Variants in NDC1 observed in about 807,000 individuals in gnomAD.
The protein encoded by NDC1 is NDC1 transmembrane nucleoporin, also known as nucleoporin NDC1.
In NDC1, 24 loss-of-function variants were observed where a neutral mutation model predicts 89.8. The observed-to-expected ratio is 0.27, with a 90% CI of 0.19 to 0.38. The LOEUF is 0.38. Ranked by LOEUF, NDC1 falls within the 10% of genes least tolerant of loss-of-function variation. NDC1 has a pLI of 1.00. For synonymous variants in NDC1, 296 were observed against 284.8 expected, an observed-to-expected ratio of 1.04 and a Z score of -0.39; for missense variants, 728 against 797.6, an observed-to-expected ratio of 0.91 and a Z score of 1.05.
At chr1:53,806,927 A>T (rs533629054) in intron 8 of NDC1, among the ~76,000 whole-genome samples, 3 of 152,334 alleles carry the variant, frequency 2.0e-5, no homozygotes, top group African/African-American at 7.2e-5. Flanking sequence ...TTTCTTTAAT[A>T]TAAATTTTAA....
chr1:53,804,122 G>GAA, intron 9 of NDC1, 113 bp from the exon 10 acceptor site: 3 of 709,210 alleles, frequency 4.2e-6, no homozygotes, highest in Non-Finnish European at 6.8e-6. Context: ...ACTTTTTCAT[G>GAA]AAAAAAAAAA....
At chr1:53,808,238 T>C (rs1360633886) in intron 7 of NDC1, among the ~76,000 whole-genome samples, 1 of 152,216 alleles carries the variant, frequency 6.6e-6, no homozygotes, top group Non-Finnish European at 1.5e-5. Flanking sequence ...TACTAAACAA[T>C]GTTAAAGCAA....
At chr1:53,775,746 C>G (rs1347812165) in intron 16 of NDC1, among the ~76,000 whole-genome samples, 1 of 152,086 alleles carries the variant, frequency 6.6e-6, no homozygotes, top group Non-Finnish European at 1.5e-5. Context: ...TGAAGGAACA[C>G]TGGTCATGTG....
chr1:53,837,434 G>A (rs1649270278), intron 1 of NDC1, among the ~76,000 whole-genome samples: 1 of 152,144 alleles, frequency 6.6e-6, no homozygotes, highest in African/African-American at 2.4e-5. Context: ...TTAGCTGGGC[G>A]TAGTGGTGCG....
intron 6 of NDC1, among the ~76,000 whole-genome samples, chr1:53,816,037 AAATTC>A (rs1648463067): frequency 6.6e-6 from 1 of 152,200 alleles, no homozygotes; most frequent in Admixed American, 6.5e-5. Flanking sequence ...AGCAATCTAA[AAATTC>A]AACACAATCC....
intron 5 of NDC1, among the ~76,000 whole-genome samples, chr1:53,825,460 A>AAAAAAAAAAAAAAAC (rs1039370528): frequency 7.0e-6 from 1 of 142,116 alleles, no homozygotes. Context: ...CTCCAAAAAA[A>AAAAAAAAAAAAAAAC]AAGAAGCTAC....
intron 16 of NDC1, among the ~76,000 whole-genome samples, chr1:53,774,589 T>C (rs1245218152): frequency 6.6e-6 from 1 of 152,042 alleles, no homozygotes; most frequent in East Asian, 1.9e-4. Context: ...AATAACACCA[T>C]AAAACTTTAA....
intron 2 of NDC1, among the ~76,000 whole-genome samples, chr1:53,834,434 C>T (rs540761110): frequency 2.6e-5 from 4 of 152,148 alleles, no homozygotes; most frequent in East Asian, 3.9e-4. Context: ...GATGGACGTA[C>T]GTCAACAAGA....
rs1648994758 is a variant in NDC1 at position 53,829,939 on chromosome 1, T to A, written c.281-1766A>T. Among the ~76,000 whole-genome samples, 4 of 151,932 alleles carry A rather than the reference T, an allele frequency of 2.6e-5. No homozygotes were observed. The South Asian group carries it at 8.3e-4, about 32-fold the overall frequency. ...AGGCCAAGGTGGGCAGATCATGAGT[T>A]CAGGAGTTTGAGACCAGCCTGGCCA... On this transcript the variant is annotated intron_variant, in intron 3 of 17. Transcript: ENST00000371429.
Position 53,837,212 on chromosome 1 carries a change from T to C in NDC1, c.57+993A>G, listed in dbSNP as rs137881101. ...TAGGCGGCTGAGGCAGGAGGACTAG[T>C]TGAGCCCAGGAGCTCAAGACCAGGC... On this transcript the variant is annotated intron_variant, in intron 1 of 17. Transcript: ENST00000371429. 5.4e-3 allele frequency among the ~76,000 whole-genome samples: 819 copies of C among 152,270 alleles called. 5 individuals are homozygous for C. Among genetic ancestry groups the C allele is most frequent in the Non-Finnish European group, 7.5e-3 (513 of 68,018 alleles).
intron 6 of NDC1, among the ~76,000 whole-genome samples, chr1:53,816,151 G>A (rs577961149): frequency 2.4e-4 from 37 of 152,022 alleles, no homozygotes; most frequent in African/African-American, 7.0e-4. Context: ...AGCAAGACTA[G>A]GCAAAAAGAA....
chr1:53,771,630 T>G (rs1174882461), intron 17 of NDC1, among the ~76,000 whole-genome samples: 1 of 152,216 alleles, frequency 6.6e-6, no homozygotes, highest in East Asian at 1.9e-4. Flanking sequence ...TTATTTAACT[T>G]TAATTTAAAT....
chr1:53,789,283 CAAAAAATTCACAG>C, intron 14 of NDC1, 87 bp from the exon 15 acceptor site: 1 of 730,832 alleles, frequency 1.4e-6, no homozygotes, highest in South Asian at 1.8e-5. Flanking sequence ...GACCACAAAA[CAAAAAATTCACAG>C]CTGCCTCTCA....
At position 53,807,645 on chromosome 1, in the gene NDC1, A is replaced by T. The variant is rs1217693495; in HGVS notation, c.891+11T>A. 5.0e-6 allele frequency: 8 copies of T among 1,585,326 alleles called. No homozygotes were observed. Among genetic ancestry groups the T allele is most frequent in the Middle Eastern group, 1.7e-4 (1 of 5,928 alleles). ...CAAAAGTATTAAGAAAAAATATTTT[A>T]AAAAACATACCTCTGTGGCATAGAT... On this transcript the variant is annotated intron_variant, in intron 8 of 17. Transcript: ENST00000371429.
At chr1:53,830,273 G>A (rs1473865185) in intron 3 of NDC1, among the ~76,000 whole-genome samples, 2 of 152,202 alleles carry the variant, frequency 1.3e-5, no homozygotes, top group East Asian at 1.9e-4. Context: ...GACCAACATG[G>A]TGAAACCCCG....
chr1:53,838,165 C>G, intron 1 of NDC1, 40 bp downstream of exon 1: 1 of 1,525,042 alleles, frequency 6.6e-7, no homozygotes, highest in Non-Finnish European at 8.8e-7. Flanking sequence ...CCGCCCGGCC[C>G]GACCCTGGCA....
rs761194658 is a variant in NDC1, at chr1:53,767,961, ATTAC to A, written c.*5_*8del. 1.9e-6 allele frequency: 3 copies of A among 1,575,448 alleles called. No homozygotes were observed. The African/African-American group carries it at 4.1e-5, about 21-fold the overall frequency. On this transcript the variant is annotated 3_prime_UTR_variant, in exon 18 of 18. Coordinates refer to ENST00000371429, the MANE Select transcript of NDC1 (RefSeq NM_018087.5). ...CAGCAGTGTAATGAACACAGTTTAT[ATTAC>A]TTAACTATTCTTTGAACTCCAAGAA...
At chr1:53,788,632 G>A (rs1404656695) in intron 15 of NDC1, among the ~76,000 whole-genome samples, 1 of 151,980 alleles carries the variant, frequency 6.6e-6, no homozygotes, top group Non-Finnish European at 1.5e-5. Flanking sequence ...TCACCATGCT[G>A]GCCAGGCTGG....
rs532495755 is a variant in NDC1 at position 53,779,909 on chromosome 1, T to A, written c.1800+7249A>T. 2.0e-5 allele frequency among the ~76,000 whole-genome samples: 3 copies of A among 152,194 alleles called. No individual in the cohort carries two copies. The East Asian group carries it at 5.8e-4, about 29-fold the overall frequency. On this transcript the variant is annotated intron_variant, in intron 16 of 17. Coordinates refer to ENST00000371429, the MANE Select transcript of NDC1 (RefSeq NM_018087.5). ...GTCTCTGGGCCTTCAAATCCATAGC[T>A]CTGGCCCTCAAGAATATTCCTTTCT...
Sources: allele counts gnomAD v4.1 joint callset (sites outside exome capture counted in the v4.1 genomes callset), GRCh38; gene constraint gnomAD v4.1.1; transcripts MANE v1.5; gene names NCBI Gene and HGNC (gene_info 2026-07-23, HGNC 2026-07-21).